Variants in CDH4 observed in about 807,000 individuals in gnomAD.
CDH4 encodes the protein cadherin-4.
Under a neutral mutation model 86.0 loss-of-function variants are expected in CDH4, and 33 were observed. That is an observed-to-expected ratio of 0.38 (90% CI 0.29 to 0.51). CDH4 has a LOEUF of 0.51. CDH4 is among the 20% of genes least tolerant of loss of function. CDH4 has a pLI of 0.86. For missense variants in CDH4, 1,114 were observed against 1,307.4 expected (o/e 0.85, Z 2.28); for synonymous variants, 555 against 549.4 (o/e 1.01, Z -0.14).
intron 3 of CDH4, among the ~76,000 whole-genome samples, chr20:61,744,040 C>G (rs894636236): frequency 6.6e-6 from 1 of 152,244 alleles, no homozygotes; most frequent in Non-Finnish European, 1.5e-5. Flanking sequence ...ATGCCACGGT[C>G]TTGTCGCTCT....
intron 2 of CDH4, among the ~76,000 whole-genome samples, chr20:61,697,868 C>T (rs2087731868): frequency 6.6e-6 from 1 of 152,238 alleles, no homozygotes; most frequent in South Asian, 2.1e-4. Flanking sequence ...CGCTTCTACC[C>T]ATTCCCACAC....
At position 61,743,711 on chromosome 20, in the gene CDH4, C is replaced by T. The variant is rs1033951496; in HGVS notation, c.318C>T (p.Asp106=). 1 of 1,611,194 alleles carries T rather than the reference C, an allele frequency of 6.2e-7. No homozygotes were observed. Among genetic ancestry groups the T allele is most frequent in the African/African-American group, 1.3e-5 (1 of 75,050 alleles). The change falls in exon 3 of 16, where the codon GAC becomes GAT. Residue 106 remains aspartate (D), a synonymous_variant. Coordinates refer to ENST00000614565, the MANE Select transcript of CDH4 (RefSeq NM_001794.5). Reference sequence around the variant, plus strand: ...TGGCGTTCACGGTGACTGCATGGGACAGCCAGACAGCAGAGAAATGGGACG... The same window carrying T: ...TGGCGTTCACGGTGACTGCATGGGATAGCCAGACAGCAGAGAAATGGGACG... ...EQVAFTVTAW[D]SQTAEKWDAV... is the part of the protein sequence containing the mutation.
intron 2 of CDH4, among the ~76,000 whole-genome samples, chr20:61,366,974 C>A (rs994037061): frequency 8.5e-5 from 13 of 152,186 alleles, no homozygotes; most frequent in Non-Finnish European, 1.2e-4. Context: ...CTTTGCGGAC[C>A]CTCCAGACAC....
chr20:61,383,492 A>AT (rs1474853913), intron 2 of CDH4, among the ~76,000 whole-genome samples: 1 of 58,894 alleles, frequency 1.7e-5, no homozygotes, highest in Non-Finnish European at 3.1e-5. Flanking sequence ...ATATATATGA[A>AT]ATATATTATA....
intron 2 of CDH4, among the ~76,000 whole-genome samples, chr20:61,383,778 T>G (rs2084934131): frequency 8.2e-6 from 1 of 121,260 alleles, no homozygotes; most frequent in Non-Finnish European, 1.6e-5. Flanking sequence ...TATATATGCA[T>G]ATATATGAAG....
At chr20:61,759,395 G>A (rs996064501) in intron 3 of CDH4, among the ~76,000 whole-genome samples, 1 of 152,188 alleles carries the variant, frequency 6.6e-6, no homozygotes, top group African/African-American at 2.4e-5. Context: ...AGACTGAAAC[G>A]CCACATGGTG....
Position 61,937,571 on chromosome 20 carries a change from G to A in CDH4, c.*628G>A, listed in dbSNP as rs1397664790. On this transcript the variant is annotated 3_prime_UTR_variant, in exon 16 of 16. Coordinates refer to ENST00000614565, the MANE Select transcript of CDH4 (RefSeq NM_001794.5). Reference sequence around the variant, plus strand: ...GAGTCAAGGCCAGCTGGGAGGCTTAGCCCTTCAGCCCCAGCAGAAGGCCCT... The same window carrying A: ...GAGTCAAGGCCAGCTGGGAGGCTTAACCCTTCAGCCCCAGCAGAAGGCCCT... 3 of 152,170 alleles carry A rather than the reference G, an allele frequency of 2.0e-5. No individual in the cohort carries two copies. The highest frequency in any genetic ancestry group is 2.0e-4 in the Admixed American group (3 of 15,272). 9.4% of individuals were successfully genotyped at this position (152,170 alleles called of 1,614,324 possible).
intron 2 of CDH4, among the ~76,000 whole-genome samples, chr20:61,440,345 A>C (rs2085307547): frequency 6.6e-6 from 1 of 152,154 alleles, no homozygotes; most frequent in African/African-American, 2.4e-5. Flanking sequence ...CACTCTTTGC[A>C]ATGGGGCTCT....
chr20:61,388,310 C>G (rs1469698827), intron 2 of CDH4, among the ~76,000 whole-genome samples: 1 of 152,144 alleles, frequency 6.6e-6, no homozygotes, highest in Non-Finnish European at 1.5e-5. Flanking sequence ...CCCCGTCTCA[C>G]TTTTCGCCTT....
At chr20:61,410,351 A>G (rs554965299) in intron 2 of CDH4, among the ~76,000 whole-genome samples, 1 of 151,326 alleles carries the variant, frequency 6.6e-6, no homozygotes. Flanking sequence ...ATCATCTTCC[A>G]TTCCTCTCAC....
chr20:61,312,917 C>T (rs1385512259), intron 2 of CDH4, among the ~76,000 whole-genome samples: 7 of 152,166 alleles, frequency 4.6e-5, no homozygotes, highest in African/African-American at 1.4e-4. Flanking sequence ...CCTGGGATTG[C>T]AGGGGTGCTC....
intron 2 of CDH4, among the ~76,000 whole-genome samples, chr20:61,478,908 C>T (rs1181750530): frequency 1.3e-5 from 2 of 152,068 alleles, no homozygotes; most frequent in Non-Finnish European, 2.9e-5. Flanking sequence ...TGCCTGCGAG[C>T]GATTCTAACA....
intron 2 of CDH4, among the ~76,000 whole-genome samples, chr20:61,567,301 C>G (rs901050305): frequency 3.9e-5 from 6 of 152,164 alleles, no homozygotes; most frequent in African/African-American, 1.4e-4. Context: ...TGCAGACAGA[C>G]TGGGTGGCTT....
intron 2 of CDH4, among the ~76,000 whole-genome samples, chr20:61,384,836 A>G (rs748065447): frequency 2.6e-5 from 4 of 152,158 alleles, no homozygotes; most frequent in Non-Finnish European, 5.9e-5. Flanking sequence ...CTCTTTAAAC[A>G]TAATAAGCAT....
chr20:61,620,608 T>C (rs182267543), intron 2 of CDH4, among the ~76,000 whole-genome samples: 6 of 152,198 alleles, frequency 3.9e-5, no homozygotes, highest in African/African-American at 1.4e-4. Flanking sequence ...GCAGGAAAAA[T>C]AGTGGTGAAA....
intron 2 of CDH4, among the ~76,000 whole-genome samples, chr20:61,461,472 TGGAA>T (rs2085441947): frequency 1.3e-5 from 2 of 152,246 alleles, no homozygotes; most frequent in African/African-American, 4.8e-5. Context: ...CGGCTTCCGC[TGGAA>T]GGAAGAGACT....
chr20:61,506,060 C>G (rs1020791827), intron 2 of CDH4, among the ~76,000 whole-genome samples: 1 of 152,168 alleles, frequency 6.6e-6, no homozygotes, highest in African/African-American at 2.4e-5. Flanking sequence ...CATAAGAATT[C>G]TGAATGTGGA....
chr20:61,640,052 A>G (rs957801258), intron 2 of CDH4, among the ~76,000 whole-genome samples: 10 of 152,234 alleles, frequency 6.6e-5, no homozygotes, highest in African/African-American at 2.4e-4. Context: ...TGGGAAAAAG[A>G]AAGCCATAGA....
intron 2 of CDH4, among the ~76,000 whole-genome samples, chr20:61,514,415 C>G (rs2085803737): frequency 7.0e-6 from 1 of 143,450 alleles, no homozygotes; most frequent in African/African-American, 2.6e-5. Flanking sequence ...GGATGTAGAT[C>G]AAGATGTTAT....
Sources: gnomAD v4.1 joint callset for allele counts (sites outside exome capture counted in the v4.1 genomes callset) on GRCh38, gnomAD v4.1.1 for gene constraint, MANE v1.5 for transcripts, NCBI Gene and HGNC (gene_info 2026-07-23, HGNC 2026-07-21) for gene names.